The following CDH18 variants were observed in gnomAD, a reference collection of about 807,000 sequenced individuals.
The protein encoded by CDH18 is cadherin-18.
Under a neutral mutation model 67.9 loss-of-function variants are expected in CDH18, and 31 were observed. The observed-to-expected ratio is 0.46, with a 90% CI of 0.34 to 0.62. The LOEUF (loss-of-function observed/expected upper bound fraction) is 0.62, where lower values mean the gene tolerates loss of function less well. CDH18 is among the 20% of genes least tolerant of loss of function. The probability of loss-of-function intolerance (pLI) is 0.01; values close to 1 mark genes in which losing one functional copy is unlikely to be tolerated. For missense variants in CDH18, 890 were observed against 975.5 expected (o/e 0.91, Z 1.17); for synonymous variants, 362 against 347.2 (o/e 1.04, Z -0.48).
chr5:20,020,154 G>T (rs190102785), intron 2 of CDH18, among the ~76,000 whole-genome samples: 1 of 152,232 alleles, frequency 6.6e-6, no homozygotes, highest in Non-Finnish European at 1.5e-5. Flanking sequence ...TTCAAGAAGT[G>T]GCCTGGCTGC....
chr5:19,489,002 C>T (rs116472271), intron 11 of CDH18, among the ~76,000 whole-genome samples: 2,335 of 152,120 alleles, frequency 0.015, 67 homozygotes, highest in African/African-American at 0.053. Flanking sequence ...ATGTTCTGAT[C>T]TGCACCCTGG....
chr5:19,596,844 G>A (rs556451815), intron 6 of CDH18, among the ~76,000 whole-genome samples: 2 of 152,220 alleles, frequency 1.3e-5, no homozygotes, highest in East Asian at 3.9e-4. Context: ...TTAATATTTT[G>A]TACACTCTCC....
intron 3 of CDH18, among the ~76,000 whole-genome samples, chr5:19,810,734 A>G (rs1422402278): frequency 1.3e-5 from 2 of 152,096 alleles, no homozygotes; most frequent in Non-Finnish European, 2.9e-5. Context: ...TGAAAAAAGC[A>G]TATGTTGGCT....
intron 1 of CDH18, among the ~76,000 whole-genome samples, chr5:20,322,419 AT>A (rs1738123801): frequency 6.6e-6 from 1 of 152,146 alleles, no homozygotes; most frequent in Non-Finnish European, 1.5e-5. Context: ...AACAAGATAT[AT>A]GTTCTTGTCA....
chr5:19,707,701 G>T (rs1369346696), intron 5 of CDH18, among the ~76,000 whole-genome samples: 1 of 152,130 alleles, frequency 6.6e-6, no homozygotes, highest in Non-Finnish European at 1.5e-5. Context: ...CTTGCTTTCT[G>T]GTCTTAGTAT....
At chr5:19,923,968 T>G (rs1792795438) in intron 2 of CDH18, among the ~76,000 whole-genome samples, 1 of 152,146 alleles carries the variant, frequency 6.6e-6, no homozygotes, top group South Asian at 2.1e-4. Context: ...AGCTGTACTG[T>G]GTACTGAAAA....
chr5:19,766,606 T>TC (rs1773122795), intron 3 of CDH18, among the ~76,000 whole-genome samples: 1 of 152,176 alleles, frequency 6.6e-6, no homozygotes, highest in African/African-American at 2.4e-5. Context: ...TTTGAGAGCT[T>TC]CCCCACAGTC....
chr5:19,598,500 A>G (rs1430476077), intron 6 of CDH18, among the ~76,000 whole-genome samples: 1 of 152,156 alleles, frequency 6.6e-6, no homozygotes, highest in Non-Finnish European at 1.5e-5. Flanking sequence ...GTTTACAACA[A>G]AAGAAGGACA....
chr5:19,931,927 C>A (rs1027226554), intron 2 of CDH18, among the ~76,000 whole-genome samples: 1 of 151,662 alleles, frequency 6.6e-6, no homozygotes, highest in African/African-American at 2.4e-5. Flanking sequence ...CCTTTTCCTC[C>A]CATTGTTCCC....
chr5:20,072,543 T>G (rs1743570231), intron 2 of CDH18, among the ~76,000 whole-genome samples: 1 of 151,918 alleles, frequency 6.6e-6, no homozygotes, highest in Non-Finnish European at 1.5e-5. Flanking sequence ...GGGGAGGTGA[T>G]GCTATAAATC....
At chr5:19,486,253 C>A (rs1740382476) in intron 11 of CDH18, among the ~76,000 whole-genome samples, 1 of 150,442 alleles carries the variant, frequency 6.6e-6, no homozygotes, top group African/African-American at 2.4e-5. Flanking sequence ...ATTTTGAACA[C>A]TGAGGAAGAA....
chr5:20,073,309 T>C (rs1011602464), intron 2 of CDH18, among the ~76,000 whole-genome samples: 8 of 151,948 alleles, frequency 5.3e-5, no homozygotes, highest in Non-Finnish European at 1.2e-4. Flanking sequence ...TCTTTTTCCA[T>C]TGTGGGGGTT....
intron 1 of CDH18, among the ~76,000 whole-genome samples, chr5:20,285,477 C>T (rs940579392): frequency 1.3e-5 from 2 of 149,184 alleles, no homozygotes; most frequent in African/African-American, 4.9e-5. Flanking sequence ...ATGTTCTTGA[C>T]CATCCATTGC....
At chr5:20,497,222 A>G (rs1164270712) in intron 1 of CDH18, among the ~76,000 whole-genome samples, 1 of 152,148 alleles carries the variant, frequency 6.6e-6, no homozygotes, top group Non-Finnish European at 1.5e-5. Flanking sequence ...TTTGAGCCTT[A>G]TAGGCTCTTG....
chr5:19,579,533 G>C (rs182422655), intron 7 of CDH18, among the ~76,000 whole-genome samples: 1 of 151,554 alleles, frequency 6.6e-6, no homozygotes, highest in African/African-American at 2.4e-5. Context: ...ACAATAAACA[G>C]CAATTAAAAT....
At chr5:20,536,805 T>C (rs563534912) in intron 1 of CDH18, among the ~76,000 whole-genome samples, 1 of 152,100 alleles carries the variant, frequency 6.6e-6, no homozygotes, top group African/African-American at 2.4e-5. Flanking sequence ...GAAATGAGTA[T>C]TATATTTTTG....
intron 6 of CDH18, among the ~76,000 whole-genome samples, chr5:19,604,255 C>A (rs1300078986): frequency 6.6e-6 from 1 of 151,988 alleles, no homozygotes; most frequent in African/African-American, 2.4e-5. Flanking sequence ...ATAAGTCATT[C>A]CCTATGATTA....
chr5:19,723,947 G>A (rs910671462), intron 4 of CDH18, among the ~76,000 whole-genome samples: 4 of 152,016 alleles, frequency 2.6e-5, no homozygotes, highest in African/African-American at 9.7e-5. Context: ...CTGACCTCAG[G>A]TGATTTGCCC....
At chr5:19,692,295 G>A (rs1407828995) in intron 5 of CDH18, among the ~76,000 whole-genome samples, 1 of 152,062 alleles carries the variant, frequency 6.6e-6, no homozygotes, top group African/African-American at 2.4e-5. Context: ...TGAAACATAG[G>A]TGAAACATTT....
Sources: allele counts gnomAD v4.1 joint callset (sites outside exome capture counted in the v4.1 genomes callset), GRCh38; gene constraint gnomAD v4.1.1; transcripts MANE v1.5; gene names NCBI Gene and HGNC (gene_info 2026-07-23, HGNC 2026-07-21).